LOC400499: variants seen among roughly 807,000 people sequenced by gnomAD.
the LOC400499 span, among the ~76,000 whole-genome samples, chr16:11,395,442 G>T: frequency 2.0e-5 from 3 of 152,202 alleles, no homozygotes; most frequent in African/African-American, 7.2e-5. Flanking sequence ...CAGGCACGGG[G>T]CTTACAGAGC....
the LOC400499 span, among the ~76,000 whole-genome samples, chr16:11,485,337 C>G: frequency 6.6e-6 from 1 of 152,042 alleles, no homozygotes; most frequent in Admixed American, 6.6e-5. Flanking sequence ...TGTGGGAAGC[C>G]CTCCCTGAAC....
At chr16:11,451,990 G>C in the LOC400499 span, among the ~76,000 whole-genome samples, 1 of 152,168 alleles carries the variant, frequency 6.6e-6, no homozygotes, top group South Asian at 2.1e-4. Flanking sequence ...TCCCCACCCA[G>C]TTGCTTGATT....
the LOC400499 span, among the ~76,000 whole-genome samples, chr16:11,427,593 A>G: frequency 1.1e-4 from 16 of 151,958 alleles, no homozygotes; most frequent in African/African-American, 3.4e-4. Flanking sequence ...GTAGGCATGC[A>G]CCACCATGCC....
At chr16:11,383,682 A>G in the LOC400499 span, 1 of 1,232,434 alleles carries the variant, frequency 8.1e-7, no homozygotes. Flanking sequence ...ATCCACGGGC[A>G]CACAGGTGGA....
chr16:11,460,174 G>C, the LOC400499 span: 2 of 881,900 alleles, frequency 2.3e-6, no homozygotes, highest in Non-Finnish European at 3.1e-6. Flanking sequence ...CGGTTCTGTA[G>C]AAAGCACTAT....
chr16:11,460,918 C>T, the LOC400499 span: 2 of 1,489,988 alleles, frequency 1.3e-6, no homozygotes, highest in Non-Finnish European at 1.8e-6. Context: ...ACAGGGCAGG[C>T]CCTGCCACCT....
the LOC400499 span, chr16:11,387,189 G>A: frequency 8.1e-7 from 1 of 1,232,278 alleles, no homozygotes; most frequent in Non-Finnish European, 1.0e-6. Flanking sequence ...AGCTCTCGGA[G>A]CGGCCGCAGC....
chr16:11,476,116 G>A, the LOC400499 span, among the ~76,000 whole-genome samples: 1 of 151,664 alleles, frequency 6.6e-6, no homozygotes, highest in Non-Finnish European at 1.5e-5. Flanking sequence ...GGCTGCTTTA[G>A]GAGCATGGAA....
chr16:11,381,614 C>T, the LOC400499 span, among the ~76,000 whole-genome samples: 4 of 152,186 alleles, frequency 2.6e-5, no homozygotes, highest in Admixed American at 1.3e-4. Context: ...AAATGAACGT[C>T]GGTGGATCCC....
chr16:11,462,954 C>G, the LOC400499 span, among the ~76,000 whole-genome samples: 2 of 152,336 alleles, frequency 1.3e-5, no homozygotes, highest in East Asian at 3.9e-4. Context: ...CAACATCCTC[C>G]TGGCTCTCCC....
the LOC400499 span, chr16:11,414,488 C>A: frequency 2.5e-6 from 1 of 400,068 alleles, no homozygotes; most frequent in Non-Finnish European, 4.4e-6. Flanking sequence ...TGGAGGGCCA[C>A]CCTGGCCTGG....
chr16:11,433,164 A>G, the LOC400499 span, among the ~76,000 whole-genome samples: 1 of 152,206 alleles, frequency 6.6e-6, no homozygotes, highest in Admixed American at 6.5e-5. Context: ...TATGGCCCAC[A>G]AAGCTGAAAA....
the LOC400499 span, among the ~76,000 whole-genome samples, chr16:11,453,274 T>C: frequency 1.3e-5 from 2 of 152,298 alleles, no homozygotes; most frequent in African/African-American, 4.8e-5. Flanking sequence ...CTGCTGGTTT[T>C]AATTAAGTCC....
At chr16:11,403,073 C>A in the LOC400499 span, among the ~76,000 whole-genome samples, 1 of 152,180 alleles carries the variant, frequency 6.6e-6, no homozygotes, top group East Asian at 1.9e-4. Flanking sequence ...TCAAGCTGAC[C>A]TGACCTCCGA....
chr16:11,374,585 G>T, the LOC400499 span, among the ~76,000 whole-genome samples: 7 of 152,158 alleles, frequency 4.6e-5, no homozygotes, highest in Admixed American at 4.6e-4. Context: ...TACAGTACTT[G>T]TGTTTTTGTG....
the LOC400499 span, chr16:11,515,910 A>C: frequency 1.2e-5 from 2 of 172,060 alleles, no homozygotes; most frequent in Non-Finnish European, 9.5e-6. Context: ...AGCCCAGCCC[A>C]GCCTAGCCCA....
chr16:11,395,998 C>T, the LOC400499 span, among the ~76,000 whole-genome samples: 1 of 152,184 alleles, frequency 6.6e-6, no homozygotes, highest in African/African-American at 2.4e-5. Context: ...TCCTACTTCC[C>T]AGGGCTGCTG....
the LOC400499 span, chr16:11,508,842 T>C: frequency 1.0e-5 from 4 of 399,062 alleles, no homozygotes; most frequent in Admixed American, 4.4e-5. Context: ...CTTCATCGTC[T>C]CTATCATCTG....
chr16:11,493,401 C>G, the LOC400499 span, among the ~76,000 whole-genome samples: 7 of 152,134 alleles, frequency 4.6e-5, no homozygotes, highest in African/African-American at 1.7e-4. Flanking sequence ...TCTGCCAAAC[C>G]CTGTACTAGA....
Sources: allele counts gnomAD v4.1 joint callset (sites outside exome capture counted in the v4.1 genomes callset), GRCh38; gene constraint gnomAD v4.1.1; transcripts MANE v1.5.